The following BBC3 variants were observed in gnomAD, a reference collection of about 807,000 sequenced individuals.
The protein encoded by BBC3 is BCL2 binding component 3.
In BBC3, 5 loss-of-function variants were observed where a neutral mutation model predicts 18.2. The ratio of observed to expected loss-of-function variants is 0.27; its 90% confidence interval spans 0.14 to 0.58. The LOEUF (loss-of-function observed/expected upper bound fraction) is 0.58. Ranked by LOEUF, BBC3 falls within the 20% of genes least tolerant of loss-of-function variation. The pLI, the probability that BBC3 is intolerant of heterozygous loss-of-function variation, is 0.91. For missense variants in BBC3, 224 were observed against 268.9 expected (o/e 0.83, Z 1.17); for synonymous variants, 119 against 128.0 (o/e 0.93, Z 0.47).
At chr19:47,227,611 C>T (rs2058850564) in intron 2 of BBC3, among the ~76,000 whole-genome samples, 1 of 152,170 alleles carries the variant, frequency 6.6e-6, no homozygotes, top group Non-Finnish European at 1.5e-5. Context: ...GGGTTAACAG[C>T]CCATCAGGCA....
At position 47,228,079 on chromosome 19, in the gene BBC3, C is replaced by A; in HGVS notation, c.274+79G>T. On this transcript the variant is annotated intron_variant, in intron 2 of 3. Coordinates refer to ENST00000439096, the MANE Select transcript of BBC3 (RefSeq NM_014417.5). The surrounding 1 kb of genome is among the most constrained non-coding windows in gnomAD (Gnocchi z 5.5). ...GCCCGCCACCTCCCCCCGTCCTCTCCCACTTCTCCAGTTCCTCCGAGTCTC... is the reference window on the plus strand; with the variant it reads ...GCCCGCCACCTCCCCCCGTCCTCTCACACTTCTCCAGTTCCTCCGAGTCTC... 1 of 1,123,772 alleles carries A rather than the reference C, an allele frequency of 8.9e-7. No homozygotes were observed. The highest frequency in any genetic ancestry group is 1.1e-6 in the Non-Finnish European group (1 of 895,740). 69.6% of individuals were successfully genotyped at this position (1,123,772 alleles called of 1,614,324 possible). A position where few individuals can be genotyped will look rare whatever the true frequency, so the allele number is the denominator to read the frequency against.
chr19:47,224,729 C>CTT (rs920484758), intron 3 of BBC3, among the ~76,000 whole-genome samples: 31 of 135,824 alleles, frequency 2.3e-4, no homozygotes, highest in South Asian at 4.6e-4. Context: ...GTGAAAATGA[C>CTT]TTTTTTTTTT....
upstream of BBC3, among the ~76,000 whole-genome samples, chr19:47,231,446 G>A (rs2058914818): frequency 6.6e-6 from 1 of 152,158 alleles, no homozygotes; most frequent in African/African-American, 2.4e-5. The surrounding 1 kb of genome is among the most constrained non-coding windows in gnomAD (Gnocchi z 4.0). Context: ...GTGCGGCGGG[G>A]TGTGGGGAGA....
chr19:47,224,521 G>A (rs1390340127), intron 3 of BBC3, among the ~76,000 whole-genome samples: 1 of 152,020 alleles, frequency 6.6e-6, no homozygotes, highest in East Asian at 1.9e-4. Flanking sequence ...AGCTACTTGG[G>A]AGGCTGAGGC....
Position 47,226,770 on chromosome 19 carries a change from G to A in BBC3, c.275-16C>T. On this transcript the variant is annotated splice_polypyrimidine_tract_variant and intron_variant, in intron 2 of 3. Coordinates refer to ENST00000439096, the MANE Select transcript of BBC3 (RefSeq NM_014417.5). ...GGCTGAGGACCTTGGAGAGGCAGAG[G>A]GGCGCGGTCAGCACCCACCACCCCT... The A allele has an allele frequency of 2.9e-6, 4 of 1,384,978 alleles. No individual in the cohort carries two copies. The highest frequency in any genetic ancestry group is 3.7e-6 in the Non-Finnish European group (4 of 1,073,436). 85.8% of individuals were successfully genotyped at this position (1,384,978 alleles called of 1,614,324 possible). A position where few individuals can be genotyped will look rare whatever the true frequency, so the allele number is the denominator to read the frequency against.
rs535482185 is a variant in BBC3, at chr19:47,224,911, GTTTC to G, written c.465+1649_465+1652del. The stretch of plus-strand genomic sequence containing the variant: ...GTGCCACCATGCTCAGCTACTTTTT[GTTTC>G]TTTTTTTTTTTTTGAGACAGATTTT... On this transcript the variant is annotated intron_variant, in intron 3 of 3. Coordinates refer to ENST00000439096, the MANE Select transcript of BBC3 (RefSeq NM_014417.5). Among the ~76,000 whole-genome samples the G allele has an allele frequency of 6.5e-3, 891 of 137,292 alleles. 7 individuals carry two copies. The highest frequency in any genetic ancestry group is 0.023 in the African/African-American group (837 of 37,058). The allele number at this position is 137,292 out of a possible 152,430, so 90.1% of individuals were successfully genotyped here.
Position 47,223,561 on chromosome 19 carries a change from C to T in BBC3, c.466-1643G>A, listed in dbSNP as rs185821239. ...CAGCCTGGGCAACAGAGCAAGACTCCGTGTCAAAAAAAAAATTTTTTTTAA... is the reference window on the plus strand; with the variant it reads ...CAGCCTGGGCAACAGAGCAAGACTCTGTGTCAAAAAAAAAATTTTTTTTAA... On this transcript the variant is annotated intron_variant, in intron 3 of 3. Transcript: ENST00000439096. Among the ~76,000 whole-genome samples the T allele has an allele frequency of 2.6e-3, 395 of 152,134 alleles. 1 individual carries two copies. Among genetic ancestry groups the T allele is most frequent in the African/African-American group, 9.1e-3 (378 of 41,504 alleles).
intron 2 of BBC3, 136 bp from the exon 3 acceptor site, chr19:47,226,890 C>T: frequency 1.3e-6 from 1 of 786,864 alleles, no homozygotes. Context: ...GTCAATTTCT[C>T]AGCTTCTCCT....
At chr19:47,231,389 G>T (rs2058914153), upstream of BBC3, among the ~76,000 whole-genome samples, 1 of 152,068 alleles carries the variant, frequency 6.6e-6, no homozygotes. This position sits in a 1 kb window ranked among gnomAD's most constrained non-coding sequence, Gnocchi z 4.0. Context: ...TCCCTGCAGC[G>T]GGGGACGGGG....
At chr19:47,222,821 C>T (rs910427458) in intron 3 of BBC3, among the ~76,000 whole-genome samples, 4 of 151,630 alleles carry the variant, frequency 2.6e-5, no homozygotes, top group Admixed American at 6.6e-5. Context: ...CAAAATTAGC[C>T]GGACTTGGTG....
Position 47,230,544 on chromosome 19 carries a change from C to A in BBC3, c.-16+385G>T, listed in dbSNP as rs1390115184. Among the ~76,000 whole-genome samples the A allele has an allele frequency of 6.6e-6, 1 of 151,142 alleles. No homozygotes were observed. The highest frequency in any genetic ancestry group is 1.5e-5 in the Non-Finnish European group (1 of 67,728). On this transcript the variant is annotated intron_variant, in intron 1 of 3. Transcript: ENST00000439096. The surrounding 1 kb of genome is among the most constrained non-coding windows in gnomAD (Gnocchi z 6.7). ...AGCCGCCCCCCGTCGCCGCCCCCAG[C>A]GGGCGCGCGCCCTGGGTGTGGCCGC...
intron 3 of BBC3, among the ~76,000 whole-genome samples, chr19:47,225,563 G>A (rs1014942184): frequency 1.3e-5 from 2 of 151,768 alleles, no homozygotes; most frequent in Non-Finnish European, 2.9e-5. Flanking sequence ...TCATTATGTG[G>A]CCCAGGCTGG....
intron 3 of BBC3, among the ~76,000 whole-genome samples, chr19:47,223,847 A>G (rs2058779413): frequency 6.6e-6 from 1 of 152,136 alleles, no homozygotes; most frequent in African/African-American, 2.4e-5. Context: ...GGTGTAAGTT[A>G]CAAAACCCAC....
At chr19:47,227,584 G>A (rs1032324103) in intron 2 of BBC3, among the ~76,000 whole-genome samples, 6 of 152,136 alleles carry the variant, frequency 3.9e-5, no homozygotes, top group East Asian at 1.9e-4. Context: ...CAGGGATGGG[G>A]CTCCACGGGC....
chr19:47,232,512 C>G (rs917010052), upstream of BBC3: 2 of 1,547,644 alleles, frequency 1.3e-6, no homozygotes, highest in South Asian at 2.4e-5. Flanking sequence ...TGGCCACACT[C>G]ACCACAAATC....
intron 3 of BBC3, among the ~76,000 whole-genome samples, chr19:47,226,010 T>C (rs2058812206): frequency 1.3e-5 from 2 of 151,950 alleles, no homozygotes; most frequent in South Asian, 4.1e-4. Flanking sequence ...CGCATGATGT[T>C]TGTGATTTCC....
intron 3 of BBC3, chr19:47,222,233 T>C (rs1600233686): frequency 3.7e-6 from 1 of 272,970 alleles, no homozygotes; most frequent in East Asian, 7.4e-5. Flanking sequence ...AAGGATGGAC[T>C]GCAACCTATC....
At chr19:47,226,446 TCCGCGGAGC>T (rs2058823931) in intron 3 of BBC3, 109 bp downstream of exon 3, 1 of 264,418 alleles carries the variant, frequency 3.8e-6, no homozygotes, top group Non-Finnish European at 6.8e-6. Flanking sequence ...CACCTGCCTG[TCCGCGGAGC>T]GACCCAGCCG....
Position 47,221,869 on chromosome 19 carries a change from T to C in BBC3, c.515A>G (p.Tyr172Cys). 6.2e-7 allele frequency: 1 copy of C among 1,613,002 alleles called. No homozygotes were observed. Among genetic ancestry groups the C allele is most frequent in the South Asian group, 1.1e-5 (1 of 90,992 alleles). ...GGGCAGGAGTCCCATGATGAGATTG[T>C]ACAGGACCCTCCAGGGTGAGGGGCG... is the stretch of plus-strand genomic sequence containing the variant. Reference protein sequence around the residue: ...RHRPSPWRVLYNLIMGLLPLP... With the variant: ...RHRPSPWRVLCNLIMGLLPLP... The change falls in exon 4 of 4, where the codon TAC becomes TGC. Residue 172 changes from tyrosine to cysteine, a missense_variant. By Grantham distance (194) the Tyr-to-Cys change is radical. Coordinates refer to ENST00000439096, the MANE Select transcript of BBC3 (RefSeq NM_014417.5).
Sources: gnomAD v4.1 joint callset for allele counts (sites outside exome capture counted in the v4.1 genomes callset) on GRCh38, gnomAD v4.1.1 for gene constraint, Gnocchi (gnomAD v3.1) non-coding constraint, MANE v1.5 for transcripts, NCBI Gene and HGNC (gene_info 2026-07-23, HGNC 2026-07-21) for gene names.